Variants in TMEM132B observed in about 807,000 individuals in gnomAD.
The protein encoded by TMEM132B is transmembrane protein 132B.
Under a neutral mutation model 90.8 loss-of-function variants are expected in TMEM132B, and 18 were observed. That is an observed-to-expected ratio of 0.20 (90% CI 0.14 to 0.29). TMEM132B has a LOEUF of 0.29. Ranked by LOEUF, TMEM132B falls within the 10% of genes least tolerant of loss-of-function variation. TMEM132B has a pLI of 1.00. For synonymous variants in TMEM132B, 504 were observed against 523.3 expected (o/e 0.96, Z 0.50); for missense variants, 1,096 against 1,326.8 (o/e 0.83, Z 2.70).
At chr12:125,284,269 T>C (rs900000124) in intron 1 of TMEM132B, among the ~76,000 whole-genome samples, 3 of 152,208 alleles carry the variant, frequency 2.0e-5, no homozygotes, top group African/African-American at 7.2e-5. Flanking sequence ...CTCACCTCCC[T>C]CCCAGATGCA....
At chr12:125,414,194 T>C (rs1009924162) in intron 2 of TMEM132B, among the ~76,000 whole-genome samples, 5 of 152,200 alleles carry the variant, frequency 3.3e-5, no homozygotes, top group African/African-American at 9.7e-5. Context: ...TTATTTGCTT[T>C]TGTTGTTGAT....
In TMEM132B at chr12:125,657,336, C is replaced by CGTGTGTGTGTGTGTGTGTGT. The variant is rs113651659; in HGVS notation, c.*2640_*2659dup. On this transcript the variant is annotated 3_prime_UTR_variant, in exon 9 of 9. Coordinates refer to ENST00000682704, the MANE Select transcript of TMEM132B (RefSeq NM_001366854.1). ...ATAAACGCATATACATACATATACC[C>CGTGTGTGTGTGTGTGTGTGT]GTGTGTGTGTGTGTGTGTGTGTGTG... 1 of 100,508 alleles carries CGTGTGTGTGTGTGTGTGTGT rather than the reference C, an allele frequency of 9.9e-6. No individual in the cohort carries two copies. The highest frequency in any genetic ancestry group is 1.1e-4 in the Admixed American group (1 of 8,864). 6.2% of individuals were successfully genotyped at this position (100,508 alleles called of 1,614,324 possible).
intron 3 of TMEM132B, among the ~76,000 whole-genome samples, chr12:125,435,828 A>T (rs901320157): frequency 7.3e-5 from 11 of 151,614 alleles, no homozygotes; most frequent in Non-Finnish European, 1.6e-4. Flanking sequence ...GGACAAGTGG[A>T]CTCCCCGGGG....
chr12:125,250,060 C>T (rs1301926528), intron 1 of TMEM132B, among the ~76,000 whole-genome samples: 1 of 152,258 alleles, frequency 6.6e-6, no homozygotes, highest in Non-Finnish European at 1.5e-5. Flanking sequence ...TGTTTTTACA[C>T]CCCTGACTGA....
At chr12:125,331,291 T>C (rs1051849919) in intron 1 of TMEM132B, among the ~76,000 whole-genome samples, 1 of 152,210 alleles carries the variant, frequency 6.6e-6, no homozygotes. Flanking sequence ...AAGCTCTGAA[T>C]TGCATTCCAG....
At position 125,324,515 on chromosome 12, in the gene TMEM132B, C is replaced by T. The variant is rs550708043; in HGVS notation, c.68-24937C>T. Among the ~76,000 whole-genome samples, 7 of 152,350 alleles carry T rather than the reference C, an allele frequency of 4.6e-5. No homozygotes were observed. The East Asian group carries it at 1.2e-3, about 25-fold the overall frequency. On this transcript the variant is annotated intron_variant, in intron 1 of 8. Coordinates refer to ENST00000682704, the MANE Select transcript of TMEM132B (RefSeq NM_001366854.1). ...GCAGGGTTCCCCAACCCCTAGGCCACGGACTGGTACTGGTCTGTGGCCTGT... is the reference window on the plus strand; with the variant it reads ...GCAGGGTTCCCCAACCCCTAGGCCATGGACTGGTACTGGTCTGTGGCCTGT...
At chr12:125,189,584 G>A (rs1957783664) in intron 1 of TMEM132B, among the ~76,000 whole-genome samples, 1 of 152,130 alleles carries the variant, frequency 6.6e-6, no homozygotes, top group South Asian at 2.1e-4. Flanking sequence ...GGGAAGTGGT[G>A]GGGAGTGGTA....
At chr12:125,521,942 G>C (rs948402536) in intron 4 of TMEM132B, among the ~76,000 whole-genome samples, 1 of 152,182 alleles carries the variant, frequency 6.6e-6, no homozygotes, top group African/African-American at 2.4e-5. Flanking sequence ...TGAGGGTGAC[G>C]GGCTCCAGCC....
At chr12:125,538,074 G>A (rs918273526) in intron 4 of TMEM132B, among the ~76,000 whole-genome samples, 2 of 152,284 alleles carry the variant, frequency 1.3e-5, no homozygotes, top group Non-Finnish European at 2.9e-5. Context: ...GTCTCCATCC[G>A]CTGTGCTTCG....
At chr12:125,444,247 A>G (rs1006939523) in intron 3 of TMEM132B, among the ~76,000 whole-genome samples, 2 of 152,226 alleles carry the variant, frequency 1.3e-5, no homozygotes, top group Non-Finnish European at 2.9e-5. Flanking sequence ...TCATTTTTGA[A>G]AAATTGAAAA....
intron 2 of TMEM132B, among the ~76,000 whole-genome samples, chr12:125,381,505 T>C (rs1045760600): frequency 1.3e-5 from 2 of 152,062 alleles, no homozygotes; most frequent in Non-Finnish European, 2.9e-5. Context: ...CCCTTCCCAA[T>C]TGGTTGAAGG....
chr12:125,509,853 G>A (rs972243463), intron 3 of TMEM132B, among the ~76,000 whole-genome samples: 4 of 152,150 alleles, frequency 2.6e-5, no homozygotes, highest in African/African-American at 9.7e-5. Context: ...GGAGTCTGGA[G>A]TCTGGAGTCT....
At chr12:125,409,355 G>A (rs2136336614) in intron 2 of TMEM132B, among the ~76,000 whole-genome samples, 1 of 152,298 alleles carries the variant, frequency 6.6e-6, no homozygotes, top group African/African-American at 2.4e-5. Context: ...ACCCTCTTGG[G>A]TGTGGCTTCA....
At chr12:125,394,239 C>T (rs1190803008) in intron 2 of TMEM132B, among the ~76,000 whole-genome samples, 1 of 152,152 alleles carries the variant, frequency 6.6e-6, no homozygotes, top group African/African-American at 2.4e-5. Flanking sequence ...AGTAACTTGC[C>T]CAGCAGATAA....
chr12:125,589,398 C>T (rs1263740895), intron 5 of TMEM132B, among the ~76,000 whole-genome samples: 2 of 137,560 alleles, frequency 1.5e-5, no homozygotes, highest in African/African-American at 2.7e-5. Context: ...AGGAGAATGG[C>T]GTGAACCCGG....
chr12:125,507,162 A>G (rs1162200663), intron 3 of TMEM132B, among the ~76,000 whole-genome samples: 1 of 152,240 alleles, frequency 6.6e-6, no homozygotes, highest in African/African-American at 2.4e-5. Context: ...CAAGGATGAA[A>G]ACATGACAAT....
intron 5 of TMEM132B, among the ~76,000 whole-genome samples, chr12:125,640,713 T>C (rs1886608051): frequency 1.3e-5 from 2 of 152,004 alleles, no homozygotes; most frequent in Admixed American, 6.6e-5. Context: ...CAAGAGGCGG[T>C]CCCTTTCTCT....
chr12:125,599,991 G>A (rs532979253), intron 5 of TMEM132B, among the ~76,000 whole-genome samples: 1 of 152,156 alleles, frequency 6.6e-6, no homozygotes, highest in South Asian at 2.1e-4. Context: ...GTTAGGAGGC[G>A]ACAATGGGTG....
At position 125,572,700 on chromosome 12, in the gene TMEM132B, C is replaced by T. The variant is rs555868825; in HGVS notation, c.1294-11151C>T. The stretch of plus-strand genomic sequence containing the variant: ...TGAAAATGTCCTGTTTCTTATCATC[C>T]TTTCAATCAGTAGTAGAGCCCATTA... On this transcript the variant is annotated intron_variant, in intron 4 of 8. Coordinates refer to ENST00000682704, the MANE Select transcript of TMEM132B (RefSeq NM_001366854.1). Among the ~76,000 whole-genome samples, 13 of 152,282 alleles carry T rather than the reference C, an allele frequency of 8.5e-5. No individual in the cohort carries two copies. In the East Asian group the frequency reaches 1.3e-3, roughly 16 times the overall value.
Sources: gnomAD v4.1 joint callset for allele counts (sites outside exome capture counted in the v4.1 genomes callset) on GRCh38, gnomAD v4.1.1 for gene constraint, MANE v1.5 for transcripts, NCBI Gene and HGNC (gene_info 2026-07-23, HGNC 2026-07-21) for gene names.